The following TRAM2 variants were observed in gnomAD, a reference collection of about 807,000 sequenced individuals.
TRAM2 encodes the protein translocating chain-associated membrane protein 2.
In TRAM2, 12 loss-of-function variants were observed where a neutral mutation model predicts 51.0. The ratio of observed to expected loss-of-function variants is 0.24; its 90% CI spans 0.15 to 0.38. The LOEUF (loss-of-function observed/expected upper bound fraction) is 0.38, where lower values mean the gene tolerates loss of function less well. Among genes scored for constraint, TRAM2 ranks in the 10% least tolerant of loss-of-function variants. The probability of loss-of-function intolerance (pLI) is 1.00; values close to 1 mark genes in which losing one functional copy is unlikely to be tolerated. For missense variants in TRAM2, 361 were observed against 462.0 expected, an observed-to-expected ratio of 0.78 and a Z score of 2.00; for synonymous variants, 175 against 179.4, an observed-to-expected ratio of 0.98 and a Z score of 0.20.
chr6:52,512,538 CA>C (rs985618832), intron 4 of TRAM2, among the ~76,000 whole-genome samples: 1 of 152,210 alleles, frequency 6.6e-6, no homozygotes, highest in Non-Finnish European at 1.5e-5. Context: ...CCTGAGTCCA[CA>C]GGGGGCTGAG....
rs1766225254 is a variant in TRAM2, at chr6:52,501,578, CT to C, written c.*1618del. 6.6e-6 allele frequency: 1 copy of C among 152,196 alleles called. No homozygotes were observed. Among genetic ancestry groups the C allele is most frequent in the African/African-American group, 2.4e-5 (1 of 41,442 alleles). 9.4% of individuals were successfully genotyped at this position (152,196 alleles called of 1,614,324 possible). On this transcript the variant is annotated 3_prime_UTR_variant, in exon 11 of 11. Coordinates refer to ENST00000182527, the MANE Select transcript of TRAM2 (RefSeq NM_012288.4). Reference sequence around the variant, plus strand: ...TTTTGTTTTTTTAGACAGAATTTCGCTCTTGTTGTCCAGGCTGGAGTGCCAT... The same window carrying C: ...TTTTGTTTTTTTAGACAGAATTTCGCCTTGTTGTCCAGGCTGGAGTGCCAT...
At chr6:52,527,789 G>A (rs528203496) in intron 2 of TRAM2, among the ~76,000 whole-genome samples, 1 of 152,330 alleles carries the variant, frequency 6.6e-6, no homozygotes, top group South Asian at 2.1e-4. Flanking sequence ...TAGGTTGCAC[G>A]GAGGTGTTCA....
chr6:52,558,269 G>A (rs2114101989), intron 1 of TRAM2, among the ~76,000 whole-genome samples: 1 of 152,276 alleles, frequency 6.6e-6, no homozygotes, highest in East Asian at 1.9e-4. Flanking sequence ...CAGAAGAGAA[G>A]GAGCCCGGGA....
chr6:52,566,181 C>T (rs1416968276), intron 1 of TRAM2, among the ~76,000 whole-genome samples: 6 of 152,296 alleles, frequency 3.9e-5, no homozygotes, highest in Admixed American at 3.9e-4. Context: ...GCACCACTGG[C>T]ATCACTGCAC....
chr6:52,508,726 T>C, intron 5 of TRAM2, among the ~76,000 whole-genome samples: 1 of 152,186 alleles, frequency 6.6e-6, no homozygotes, highest in Admixed American at 6.5e-5. Context: ...TTTGCTATTA[T>C]TGCTCTTAAA....
At chr6:52,554,279 C>A (rs576202425) in intron 1 of TRAM2, among the ~76,000 whole-genome samples, 1 of 152,234 alleles carries the variant, frequency 6.6e-6, no homozygotes, top group South Asian at 2.1e-4. Flanking sequence ...AATCCCAGCA[C>A]TTTGGGAAGT....
intron 1 of TRAM2, among the ~76,000 whole-genome samples, chr6:52,558,080 C>T (rs1271165198): frequency 1.3e-5 from 2 of 152,166 alleles, no homozygotes; most frequent in Non-Finnish European, 2.9e-5. Context: ...TTGGCAGCAG[C>T]GCCCTTCTCC....
rs1766216515 is a variant in TRAM2 at position 52,501,263 on chromosome 6, A to G, written c.*1934T>C. The G allele has an allele frequency of 6.6e-6, 1 of 152,194 alleles. No homozygotes were observed. Among genetic ancestry groups the G allele is most frequent in the Non-Finnish European group, 1.5e-5 (1 of 68,030 alleles). The allele number at this position is 152,194 out of a possible 1,614,324, so 9.4% of individuals were successfully genotyped here. On this transcript the variant is annotated 3_prime_UTR_variant, in exon 11 of 11. Coordinates refer to ENST00000182527, the MANE Select transcript of TRAM2 (RefSeq NM_012288.4). Reference sequence around the variant, plus strand: ...AAAGCAACCACGGGTAGCTCTTCCCATTTCTGCAACCTTATCGTAGAGAGG... The same window carrying G: ...AAAGCAACCACGGGTAGCTCTTCCCGTTTCTGCAACCTTATCGTAGAGAGG...
At chr6:52,537,681 GT>G (rs1333908754) in intron 1 of TRAM2, among the ~76,000 whole-genome samples, 2 of 151,988 alleles carry the variant, frequency 1.3e-5, no homozygotes, top group Non-Finnish European at 2.9e-5. Context: ...CTCCTCCACA[GT>G]TCTCATCAGA....
In TRAM2 at chr6:52,516,140, C is replaced by A. The variant is rs936327505; in HGVS notation, c.295-18G>T. Reference sequence around the variant, plus strand: ...CTGATTTTCTAAAGAATAAAGAAAACCCCTCATATTAATATACAAATGTAT... The same window carrying A: ...CTGATTTTCTAAAGAATAAAGAAAAACCCTCATATTAATATACAAATGTAT... On this transcript the variant is annotated intron_variant, in intron 3 of 10. Transcript: ENST00000182527. The A allele has an allele frequency of 5.0e-6, 8 of 1,600,980 alleles. No homozygotes were observed. The highest frequency in any genetic ancestry group is 6.8e-6 in the Non-Finnish European group (8 of 1,168,480).
rs141378043 is a variant in TRAM2 at position 52,567,570 on chromosome 6, C to A, written c.120+9226G>T. On this transcript the variant is annotated intron_variant, in intron 1 of 10. Coordinates refer to ENST00000182527, the MANE Select transcript of TRAM2 (RefSeq NM_012288.4). ...TTGGGTAATAAAATGTACTATGCAG[C>A]AGACCAACTTTGCTTTTTACTTCAG... 9.6e-4 allele frequency among the ~76,000 whole-genome samples: 147 copies of A among 152,340 alleles called. 1 individual carries two copies. Among genetic ancestry groups the A allele is most frequent in the Non-Finnish European group, 1.6e-3 (111 of 68,036 alleles).
In TRAM2 at chr6:52,497,870, C is replaced by G. The variant is rs1166028123; in HGVS notation, c.*5327G>C. On this transcript the variant is annotated 3_prime_UTR_variant, in exon 11 of 11. Coordinates refer to ENST00000182527, the MANE Select transcript of TRAM2 (RefSeq NM_012288.4). ...GCTAGACCCTATCAGGTGAACAGGG[C>G]TCTCCACCTGCGGCTGTTGCTTCGC... The G allele has an allele frequency of 6.6e-6, 1 of 152,224 alleles. No individual in the cohort carries two copies. The highest frequency in any genetic ancestry group is 1.5e-5 in the Non-Finnish European group (1 of 68,058). 9.4% of individuals were successfully genotyped at this position (152,224 alleles called of 1,614,324 possible).
intron 4 of TRAM2, among the ~76,000 whole-genome samples, chr6:52,510,592 A>T (rs1766433577): frequency 6.6e-6 from 1 of 152,212 alleles, no homozygotes; most frequent in South Asian, 2.1e-4. Flanking sequence ...AAAGGAAAAG[A>T]CTAGAAAGTG....
At chr6:52,514,676 G>A (rs1207063753) in intron 4 of TRAM2, among the ~76,000 whole-genome samples, 2 of 152,232 alleles carry the variant, frequency 1.3e-5, no homozygotes, top group African/African-American at 2.4e-5. Flanking sequence ...GGAATGTTTG[G>A]GGGTGAAGTT....
intron 2 of TRAM2, chr6:52,517,328 A>C (rs1489566963): frequency 2.0e-5 from 3 of 152,960 alleles, no homozygotes; most frequent in African/African-American, 7.2e-5. Flanking sequence ...ATGAGAATTA[A>C]ATGAATAAAT....
intron 4 of TRAM2, among the ~76,000 whole-genome samples, chr6:52,512,163 G>T (rs1157085605): frequency 1.3e-5 from 2 of 152,154 alleles, no homozygotes; most frequent in Non-Finnish European, 2.9e-5. Context: ...TGAAACTGAG[G>T]TGGGAGAGAA....
At chr6:52,523,189 G>GT in intron 2 of TRAM2, 1 of 364,002 alleles carries the variant, frequency 2.7e-6, no homozygotes, top group Non-Finnish European at 4.9e-6. Flanking sequence ...CTCTGTTTTC[G>GT]TATTATTTTG....
intron 2 of TRAM2, chr6:52,524,386 G>C (rs979682921): frequency 3.1e-5 from 4 of 129,490 alleles, no homozygotes; most frequent in Non-Finnish European, 1.6e-5. Context: ...AGCAACTCTG[G>C]ATTGCCAGTT....
chr6:52,510,858 C>A (rs1187531516), intron 4 of TRAM2, among the ~76,000 whole-genome samples: 1 of 152,116 alleles, frequency 6.6e-6, no homozygotes, highest in Non-Finnish European at 1.5e-5. Flanking sequence ...AATTTATAAT[C>A]CAAGAGTACA....
Sources: gnomAD v4.1 joint callset for allele counts (sites outside exome capture counted in the v4.1 genomes callset) on GRCh38, gnomAD v4.1.1 for gene constraint, MANE v1.5 for transcripts, NCBI Gene and HGNC (gene_info 2026-07-23, HGNC 2026-07-21) for gene names.